The following ADGRB3 variants were observed in gnomAD, a reference collection of about 807,000 sequenced individuals.
ADGRB3 encodes the protein brain-specific angiogenesis inhibitor 3.
ADGRB3 carries 37 observed loss-of-function variants against 193.4 expected under a neutral mutation model. That is an observed-to-expected ratio of 0.19 (90% CI 0.15 to 0.25). The LOEUF (loss-of-function observed/expected upper bound fraction) is 0.25, where lower values mean the gene tolerates loss of function less well. Ranked by LOEUF, ADGRB3 falls within the 10% of genes least tolerant of loss-of-function variation. The pLI, the probability that ADGRB3 is intolerant of heterozygous loss-of-function variation, is 1.00. For missense variants in ADGRB3, 1,637 were observed against 1,852.9 expected (o/e 0.88, Z 2.14); for synonymous variants, 690 against 644.2 (o/e 1.07, Z -1.08).
intron 3 of ADGRB3, among the ~76,000 whole-genome samples, chr6:68,923,934 G>A (rs1158245738): frequency 6.6e-6 from 1 of 152,052 alleles, no homozygotes; most frequent in African/African-American, 2.4e-5. Context: ...ATTGTATGCT[G>A]TAAGAGTTTT....
rs1421236891 is a variant in ADGRB3, at chr6:68,639,097, T to C, written c.422T>C (p.Leu141Ser). Residue 141 changes from leucine (L) to serine (S), a missense_variant, in exon 3 of 32, where the codon TTA becomes TCA. Physicochemically the swap from Leu to Ser is moderately radical, Grantham distance 145 (BLOSUM62 -2). This residue lies in a region of ADGRB3 where 365 missense variants were observed against 409.8 expected (regional missense o/e 0.89). Coordinates refer to ENST00000370598, the MANE Select transcript of ADGRB3 (RefSeq NM_001704.3). ...RRVFPTNFPG[L>S]QKKGEEDQKS... ...GTATTTCCAACTAATTTCCCAGGAT[T>C]ACAGAAAAAAGGGGAAGAAGATCAG... 1 of 1,614,144 alleles carries C rather than the reference T, an allele frequency of 6.2e-7. No homozygotes were observed. The highest frequency in any genetic ancestry group is 1.7e-5 in the Admixed American group (1 of 60,032).
intron 3 of ADGRB3, among the ~76,000 whole-genome samples, chr6:68,718,684 G>A (rs1042893803): frequency 3.3e-5 from 5 of 151,818 alleles, no homozygotes; most frequent in Middle Eastern, 3.4e-3. Context: ...TCAACCCTGT[G>A]TTTCCATAAG....
At chr6:69,133,537 G>A (rs540756369) in intron 17 of ADGRB3, among the ~76,000 whole-genome samples, 245 of 151,978 alleles carry the variant, frequency 1.6e-3, no homozygotes, top group African/African-American at 5.7e-3. Context: ...TCTACCAGAG[G>A]TACAAAGAAG....
At chr6:69,279,922 GA>G (rs879586199) in intron 20 of ADGRB3, among the ~76,000 whole-genome samples, 4 of 150,922 alleles carry the variant, frequency 2.7e-5, no homozygotes, top group East Asian at 3.9e-4. Flanking sequence ...CCTCCAACAA[GA>G]AAAAAAAATG....
chr6:69,086,289 C>T (rs1772549024), intron 17 of ADGRB3, among the ~76,000 whole-genome samples: 2 of 151,988 alleles, frequency 1.3e-5, no homozygotes, highest in African/African-American at 2.4e-5. Context: ...AAGCTGTTTG[C>T]CCACTCTCTC....
chr6:68,973,293 G>A (rs1025432229), intron 8 of ADGRB3, among the ~76,000 whole-genome samples: 3 of 147,576 alleles, frequency 2.0e-5, no homozygotes, highest in Admixed American at 6.7e-5. Flanking sequence ...CATCTGTAAA[G>A]AGGAAGGAGT....
At chr6:69,145,758 C>A (rs1452858581) in intron 17 of ADGRB3, among the ~76,000 whole-genome samples, 6 of 151,418 alleles carry the variant, frequency 4.0e-5, no homozygotes, top group African/African-American at 7.3e-5. Context: ...AGAGAGGAGA[C>A]CCTGGAGTCG....
chr6:68,783,163 T>C (rs1466048636), intron 3 of ADGRB3, among the ~76,000 whole-genome samples: 1 of 151,466 alleles, frequency 6.6e-6, no homozygotes, highest in Admixed American at 6.6e-5. Flanking sequence ...ATTTTACAGA[T>C]GATAAAATTG....
At chr6:69,060,250 C>CTCTCT (rs370197043) in intron 15 of ADGRB3, among the ~76,000 whole-genome samples, 9 of 138,404 alleles carry the variant, frequency 6.5e-5, no homozygotes, top group Non-Finnish European at 1.1e-4. Context: ...CTCTCTCTCT[C>CTCTCT]CTCCTCTGTC....
intron 3 of ADGRB3, among the ~76,000 whole-genome samples, chr6:68,691,652 C>T (rs898578966): frequency 2.0e-5 from 3 of 151,866 alleles, no homozygotes; most frequent in Non-Finnish European, 2.9e-5. Flanking sequence ...TTATTTAATT[C>T]ACATTTTCAC....
intron 24 of ADGRB3, 68 bp downstream of exon 24, chr6:69,333,076 C>T: frequency 6.6e-7 from 1 of 1,515,044 alleles, no homozygotes; most frequent in East Asian, 2.3e-5. Context: ...TTCAGACCAT[C>T]ACTGACTGCG....
chr6:68,919,354 G>C (rs1766964734), intron 3 of ADGRB3, among the ~76,000 whole-genome samples: 1 of 152,170 alleles, frequency 6.6e-6, no homozygotes, highest in Admixed American at 6.5e-5. Flanking sequence ...TGTACAGCAA[G>C]GAGTAGGGTC....
At chr6:68,912,022 G>A (rs1388298588) in intron 3 of ADGRB3, among the ~76,000 whole-genome samples, 3 of 152,012 alleles carry the variant, frequency 2.0e-5, no homozygotes, top group African/African-American at 7.2e-5. Flanking sequence ...GAAAAATAAA[G>A]TATTTGTATG....
At chr6:68,809,972 G>A (rs937032254) in intron 3 of ADGRB3, among the ~76,000 whole-genome samples, 4 of 152,152 alleles carry the variant, frequency 2.6e-5, no homozygotes, top group Non-Finnish European at 4.4e-5. Context: ...AGTGCTCTAA[G>A]CTTTGGAGTA....
intron 17 of ADGRB3, among the ~76,000 whole-genome samples, chr6:69,157,915 T>C (rs1309727863): frequency 6.6e-6 from 1 of 152,160 alleles, no homozygotes; most frequent in African/African-American, 2.4e-5. Flanking sequence ...GAACTACCTC[T>C]ATTAAGAGTT....
chr6:69,322,441 A>G (rs986265037), intron 20 of ADGRB3, among the ~76,000 whole-genome samples: 4 of 151,964 alleles, frequency 2.6e-5, no homozygotes, highest in African/African-American at 9.7e-5. Context: ...TGTCTTCAAC[A>G]ATGGCTGAAC....
chr6:68,813,189 C>A (rs1767554391), intron 3 of ADGRB3, among the ~76,000 whole-genome samples: 1 of 152,068 alleles, frequency 6.6e-6, no homozygotes, highest in Admixed American at 6.6e-5. Context: ...CCACTTTTGC[C>A]TCTTCCTCAT....
chr6:69,040,307 C>CTCTTTCTTTCTTTCTTCTT (rs1554251202), intron 13 of ADGRB3, among the ~76,000 whole-genome samples: 49 of 94,806 alleles, frequency 5.2e-4, no homozygotes, highest in African/African-American at 2.1e-3. Context: ...CTTTCTCTGT[C>CTCTTTCTTTCTTTCTTCTT]TCTTTCTTTC....
intron 13 of ADGRB3, among the ~76,000 whole-genome samples, chr6:69,031,076 C>CTTCTCTTCTCTTCTCTTCT (rs1562128980): frequency 3.0e-5 from 2 of 67,544 alleles, no homozygotes; most frequent in African/African-American, 1.0e-4. Context: ...CTTCTCTTCT[C>CTTCTCTTCTCTTCTCTTCT]TTCTCTTCTC....
Sources: allele counts gnomAD v4.1 joint callset (sites outside exome capture counted in the v4.1 genomes callset), GRCh38; gene constraint gnomAD v4.1.1; regional missense constraint gnomAD v4.1.1; transcripts MANE v1.5; gene names NCBI Gene and HGNC (gene_info 2026-07-23, HGNC 2026-07-21).